The following DNAJC1 variants were observed in gnomAD, a reference collection of about 807,000 sequenced individuals.
The protein encoded by DNAJC1 is DnaJ heat shock protein family (Hsp40) member C1, also known as dnaJ homolog subfamily C member 1.
Under a neutral mutation model 76.6 loss-of-function variants are expected in DNAJC1, and 58 were observed. The observed-to-expected ratio is 0.76, with a 90% confidence interval of 0.61 to 0.94. The LOEUF (loss-of-function observed/expected upper bound fraction) is 0.94, where lower values mean the gene tolerates loss of function less well. DNAJC1 is among the 40% of genes least tolerant of loss of function. The pLI is 0.00. For synonymous variants in DNAJC1, 258 were observed against 267.9 expected, an observed-to-expected ratio of 0.96 and a Z score of 0.36; for missense variants, 689 against 677.3, an observed-to-expected ratio of 1.02 and a Z score of -0.19.
At chr10:21,861,952 C>G (rs1032214323) in intron 8 of DNAJC1, among the ~76,000 whole-genome samples, 1 of 151,906 alleles carries the variant, frequency 6.6e-6, no homozygotes, top group Admixed American at 6.6e-5. Context: ...GAGTTTCCCT[C>G]TTGTTGCCCA....
intron 6 of DNAJC1, among the ~76,000 whole-genome samples, 172 bp downstream of exon 6, chr10:21,918,607 T>C (rs1457942012): frequency 2.0e-5 from 3 of 151,978 alleles, no homozygotes; most frequent in African/African-American, 7.2e-5. Context: ...GAAACATATC[T>C]AAATTATCTT....
At chr10:21,999,998 T>C (rs1225094643) in intron 1 of DNAJC1, among the ~76,000 whole-genome samples, 1 of 152,212 alleles carries the variant, frequency 6.6e-6, no homozygotes, top group African/African-American at 2.4e-5. Flanking sequence ...AAATTTAGCA[T>C]GTCCGTAAAC....
chr10:21,803,577 CAG>C (rs1448649355), intron 9 of DNAJC1, among the ~76,000 whole-genome samples: 1 of 147,858 alleles, frequency 6.8e-6, no homozygotes, highest in African/African-American at 2.5e-5. Flanking sequence ...TTCTCTTTTA[CAG>C]AGTGATTTTC....
chr10:21,901,853 T>C, intron 7 of DNAJC1, among the ~76,000 whole-genome samples: 1 of 152,202 alleles, frequency 6.6e-6, no homozygotes, highest in African/African-American at 2.4e-5. Flanking sequence ...TGATGGTCTT[T>C]AAAATTAAGA....
chr10:21,767,373 C>A (rs1834313775), intron 9 of DNAJC1, among the ~76,000 whole-genome samples: 1 of 152,070 alleles, frequency 6.6e-6, no homozygotes, highest in Non-Finnish European at 1.5e-5. Flanking sequence ...TTAACAATGT[C>A]TTTGAGATCT....
intron 1 of DNAJC1, among the ~76,000 whole-genome samples, chr10:21,980,657 T>C (rs1190848559): frequency 6.6e-6 from 1 of 152,082 alleles, no homozygotes; most frequent in African/African-American, 2.4e-5. Context: ...ACTGTAACAG[T>C]GTTAATGTCC....
At chr10:21,886,829 A>G (rs889947976) in intron 7 of DNAJC1, among the ~76,000 whole-genome samples, 1 of 152,160 alleles carries the variant, frequency 6.6e-6, no homozygotes, top group Non-Finnish European at 1.5e-5. Context: ...GAAAATTGGC[A>G]CAAGACAAGG....
At chr10:21,894,905 A>G (rs990850709) in intron 7 of DNAJC1, among the ~76,000 whole-genome samples, 68 of 152,336 alleles carry the variant, frequency 4.5e-4, no homozygotes, top group Non-Finnish European at 5.0e-4. Context: ...ACAAGGTGCC[A>G]TCTTGGAAAC....
chr10:21,922,728 T>C (rs1391182581), intron 3 of DNAJC1, among the ~76,000 whole-genome samples: 9 of 152,016 alleles, frequency 5.9e-5, no homozygotes, highest in African/African-American at 2.2e-4. Context: ...AACATTCAAA[T>C]GAAGTCCAAT....
In DNAJC1 at chr10:21,813,978, G is replaced by A. The variant is rs140629467; in HGVS notation, c.979-7879C>T. 2.6e-5 allele frequency among the ~76,000 whole-genome samples: 4 copies of A among 152,282 alleles called. No homozygotes were observed. In the East Asian group the frequency reaches 7.7e-4, roughly 29 times the overall value. On this transcript the variant is annotated intron_variant, in intron 8 of 11. Coordinates refer to ENST00000376980, the MANE Select transcript of DNAJC1 (RefSeq NM_022365.4). ...TCTCATGTCTTCTACCAGCATTCATGAAACTGTAGCAGGCTACCTTATTTG... is the reference window on the plus strand; with the variant it reads ...TCTCATGTCTTCTACCAGCATTCATAAAACTGTAGCAGGCTACCTTATTTG...
At chr10:21,954,144 A>G (rs1297178228) in intron 1 of DNAJC1, among the ~76,000 whole-genome samples, 3 of 152,200 alleles carry the variant, frequency 2.0e-5, no homozygotes, top group African/African-American at 4.8e-5. Flanking sequence ...AGGAATAGCG[A>G]TGAGAAACAC....
At chr10:21,946,959 A>G (rs1317069301) in intron 1 of DNAJC1, among the ~76,000 whole-genome samples, 1 of 152,180 alleles carries the variant, frequency 6.6e-6, no homozygotes, top group Non-Finnish European at 1.5e-5. Flanking sequence ...GCTTGTTGCC[A>G]GTTTCATCTC....
chr10:21,940,065 G>A (rs1837380815), intron 1 of DNAJC1, among the ~76,000 whole-genome samples: 2 of 151,998 alleles, frequency 1.3e-5, no homozygotes, highest in Admixed American at 6.6e-5. Context: ...CTGGTGAGTG[G>A]ATCAGGAGGA....
chr10:21,959,217 C>T (rs1225071608), intron 1 of DNAJC1, among the ~76,000 whole-genome samples: 1 of 151,960 alleles, frequency 6.6e-6, no homozygotes, highest in Non-Finnish European at 1.5e-5. Context: ...CTCTGCCTTC[C>T]GGGTTCAAGC....
At position 22,003,684 on chromosome 10, in the gene DNAJC1, C is replaced by G. The variant is rs1215074755; in HGVS notation, c.-250G>C. The stretch of plus-strand genomic sequence containing the variant: ...CGTTCCGAAGACCCTCGCCCCCAGG[C>G]CTACACACAGCTGTAGAGGCAGCGC... On this transcript the variant is annotated 5_prime_UTR_variant, in exon 1 of 12. Coordinates refer to ENST00000376980, the MANE Select transcript of DNAJC1 (RefSeq NM_022365.4). The G allele has an allele frequency of 2.5e-6, 1 of 393,068 alleles. No homozygotes were observed. The highest frequency in any genetic ancestry group is 9.6e-5 in the South Asian group (1 of 10,458). The allele number at this position is 393,068 out of a possible 1,614,324, so 24.3% of individuals were successfully genotyped here.
Position 21,820,289 on chromosome 10 carries a change from G to A in DNAJC1, c.979-14190C>T, listed in dbSNP as rs574786676. On this transcript the variant is annotated intron_variant, in intron 8 of 11. Transcript: ENST00000376980. ...TACTGCTGAAAAATATTCTATGTCT[G>A]GGGGGGATATGCCACATTTTGTCTG... Among the ~76,000 whole-genome samples, 8 of 146,936 alleles carry A rather than the reference G, an allele frequency of 5.4e-5. No individual in the cohort carries two copies. In the South Asian group the frequency reaches 1.3e-3, roughly 23 times the overall value.
At position 21,880,267 on chromosome 10, in the gene DNAJC1, T is replaced by A. The variant is rs551915387; in HGVS notation, c.978+2015A>T. Reference sequence around the variant, plus strand: ...GAAATCTTGAACCCAAAGTCATCCATGAGGATTAGAATAAACTTCTTCTAA... The same window carrying A: ...GAAATCTTGAACCCAAAGTCATCCAAGAGGATTAGAATAAACTTCTTCTAA... On this transcript the variant is annotated intron_variant, in intron 8 of 11. Coordinates refer to ENST00000376980, the MANE Select transcript of DNAJC1 (RefSeq NM_022365.4). Among the ~76,000 whole-genome samples the A allele has an allele frequency of 2.4e-4, 37 of 152,340 alleles. No homozygotes were observed. The South Asian group carries it at 7.7e-3, about 32-fold the overall frequency.
chr10:21,849,786 C>T (rs1375139708), intron 8 of DNAJC1, among the ~76,000 whole-genome samples: 1 of 151,820 alleles, frequency 6.6e-6, no homozygotes, highest in Admixed American at 6.6e-5. Context: ...GAGGTTTATC[C>T]CAGGAATGCA....
chr10:21,773,297 G>C (rs1834411855), intron 9 of DNAJC1, among the ~76,000 whole-genome samples: 1 of 152,174 alleles, frequency 6.6e-6, no homozygotes, highest in African/African-American at 2.4e-5. Context: ...AAGTGTGCTA[G>C]CTGCATTCCT....
Sources: allele counts gnomAD v4.1 joint callset (sites outside exome capture counted in the v4.1 genomes callset), GRCh38; gene constraint gnomAD v4.1.1; transcripts MANE v1.5; gene names NCBI Gene and HGNC (gene_info 2026-07-23, HGNC 2026-07-21).